Variants in CLSTN1 observed in about 807,000 individuals in gnomAD.
The protein encoded by CLSTN1 is calsyntenin 1.
CLSTN1 carries 28 observed loss-of-function variants against 108.3 expected under a neutral mutation model. The ratio of observed to expected loss-of-function variants is 0.26; its 90% CI spans 0.19 to 0.35. The LOEUF is 0.35. CLSTN1 is among the 10% of genes least tolerant of loss of function. The pLI is 1.00. For synonymous variants in CLSTN1, 524 were observed against 534.9 expected, an observed-to-expected ratio of 0.98 and a Z score of 0.28; for missense variants, 1,157 against 1,302.6, an observed-to-expected ratio of 0.89 and a Z score of 1.72.
chr1:9,812,989 C>A (rs970483659), intron 1 of CLSTN1, among the ~76,000 whole-genome samples: 2 of 151,634 alleles, frequency 1.3e-5, no homozygotes, highest in Non-Finnish European at 2.9e-5. Context: ...CATGGTGAAA[C>A]CCCATCTCTA....
chr1:9,747,743 A>G (rs1651351278), intron 7 of CLSTN1, among the ~76,000 whole-genome samples: 1 of 152,074 alleles, frequency 6.6e-6, no homozygotes, highest in African/African-American at 2.4e-5. Context: ...TGATCTGGAT[A>G]ATTTTCAATT....
chr1:9,776,036 G>A (rs1173499770), intron 1 of CLSTN1, among the ~76,000 whole-genome samples: 4 of 150,206 alleles, frequency 2.7e-5, no homozygotes, highest in African/African-American at 7.4e-5. Context: ...GCAATGGCGC[G>A]ATCTCAGCTC....
chr1:9,799,113 C>T (rs1404268046), intron 1 of CLSTN1, among the ~76,000 whole-genome samples: 2 of 151,920 alleles, frequency 1.3e-5, no homozygotes, highest in Non-Finnish European at 2.9e-5. Flanking sequence ...CCCAGGAGGT[C>T]GAGGATCCAG....
At chr1:9,755,718 A>C (rs1170555211) in intron 3 of CLSTN1, among the ~76,000 whole-genome samples, 1 of 152,110 alleles carries the variant, frequency 6.6e-6, no homozygotes, top group Non-Finnish European at 1.5e-5. Flanking sequence ...TGGACCAGAG[A>C]GAAGCTAAAA....
chr1:9,744,769 T>C, intron 7 of CLSTN1, 126 bp from the exon 8 acceptor site: 2 of 1,160,416 alleles, frequency 1.7e-6, no homozygotes, highest in Non-Finnish European at 2.4e-6. Context: ...TTTTTTTTTC[T>C]TTCGAGACAG....
In CLSTN1 at chr1:9,730,493, G is replaced by A. The variant is rs1246279628; in HGVS notation, c.*15C>T. The A allele has an allele frequency of 6.3e-7, 1 of 1,599,622 alleles. No individual in the cohort carries two copies. Among genetic ancestry groups the A allele is most frequent in the African/African-American group, 1.3e-5 (1 of 74,956 alleles). Reference sequence around the variant, plus strand: ...AGTCTTCGAAAGCAGAAACCGAGGTGGCCGGGGGCACGGGTCAGTAGCTGA... The same window carrying A: ...AGTCTTCGAAAGCAGAAACCGAGGTAGCCGGGGGCACGGGTCAGTAGCTGA... On this transcript the variant is annotated 3_prime_UTR_variant, in exon 19 of 19. Transcript: ENST00000377298. This position sits in a 1 kb window ranked among gnomAD's most constrained non-coding sequence, Gnocchi z 5.6.
intron 2 of CLSTN1, among the ~76,000 whole-genome samples, chr1:9,767,341 G>A (rs1652389774): frequency 6.6e-6 from 1 of 152,108 alleles, no homozygotes; most frequent in African/African-American, 2.4e-5. Context: ...TCAGGAGTTC[G>A]TAACCAGCCT....
At chr1:9,731,646 T>C (rs970609976) in intron 17 of CLSTN1, 115 bp downstream of exon 17, 26 of 1,103,982 alleles carry the variant, frequency 2.4e-5, no homozygotes, top group African/African-American at 4.6e-5. Context: ...TGGGGAATAA[T>C]TGGGACAGGG....
intron 1 of CLSTN1, among the ~76,000 whole-genome samples, chr1:9,774,939 CAT>C (rs764706480): frequency 4.1e-4 from 62 of 152,240 alleles, no homozygotes; most frequent in Non-Finnish European, 7.2e-4. Context: ...GACTCCTCCC[CAT>C]TTTAGAGCAC....
chr1:9,774,731 G>A (rs936911778), intron 1 of CLSTN1, among the ~76,000 whole-genome samples: 1 of 151,552 alleles, frequency 6.6e-6, no homozygotes, highest in Non-Finnish European at 1.5e-5. Context: ...GTAAGAATTC[G>A]GGGCAAGTCC....
At chr1:9,791,303 GCT>G (rs912185513) in intron 1 of CLSTN1, among the ~76,000 whole-genome samples, 2 of 151,402 alleles carry the variant, frequency 1.3e-5, no homozygotes, top group African/African-American at 4.8e-5. Context: ...CAGGCTTTTT[GCT>G]CTGTTGCCCA....
At chr1:9,773,422 G>A in intron 1 of CLSTN1, 28 bp from the exon 2 acceptor site, 3 of 1,569,358 alleles carry the variant, frequency 1.9e-6, no homozygotes, top group Non-Finnish European at 2.6e-6. Flanking sequence ...GAAAAAAATA[G>A]ACAAGGTTAG....
intron 1 of CLSTN1, among the ~76,000 whole-genome samples, chr1:9,777,725 G>A (rs111976611): frequency 1.3e-5 from 2 of 152,008 alleles, no homozygotes; most frequent in Non-Finnish European, 2.9e-5. Flanking sequence ...CTGAGTTCTC[G>A]TCTCTACCCC....
intron 1 of CLSTN1, among the ~76,000 whole-genome samples, chr1:9,809,240 A>ACACC (rs1331847936): frequency 1.3e-5 from 2 of 152,058 alleles, no homozygotes; most frequent in Non-Finnish European, 2.9e-5. Context: ...CATCAGACAC[A>ACACC]CACCCCCCAG....
intron 2 of CLSTN1, among the ~76,000 whole-genome samples, chr1:9,764,110 G>A (rs891764786): frequency 6.6e-6 from 1 of 150,830 alleles, no homozygotes; most frequent in Non-Finnish European, 1.5e-5. Flanking sequence ...GAAAGAAAGA[G>A]AGAGAGAGAG....
Position 9,744,459 on chromosome 1 carries a change from C to T in CLSTN1, c.1170G>A (p.Val390=). 1 of 1,611,040 alleles carries T rather than the reference C, an allele frequency of 6.2e-7. No individual in the cohort carries two copies. Residue 390 remains valine (V), a synonymous_variant, in exon 8 of 19, where the codon GTG becomes GTA. Transcript: ENST00000377298. The part of the protein sequence containing the change: ...VSPKEPFTIS[V]WMRHGPFGRK... ...TGCCGAATGGCCCATGTCTCATCCACACCGAGATGGTGAACGGCTCTTTGG... is the reference window on the plus strand; with the variant it reads ...TGCCGAATGGCCCATGTCTCATCCATACCGAGATGGTGAACGGCTCTTTGG...
intron 1 of CLSTN1, among the ~76,000 whole-genome samples, chr1:9,822,717 C>T (rs1375657965): frequency 2.6e-5 from 4 of 152,144 alleles, no homozygotes; most frequent in Admixed American, 2.6e-4. Flanking sequence ...ATAGCAGAGG[C>T]ATGCAAGGTT....
At position 9,740,083 on chromosome 1, in the gene CLSTN1, T is replaced by G. The variant is rs189966220; in HGVS notation, c.1519+1011A>C. Among the ~76,000 whole-genome samples, 864 of 152,178 alleles carry G rather than the reference T, an allele frequency of 5.7e-3. 8 individuals are homozygous for G. The highest frequency in any genetic ancestry group is 0.02 in the Middle Eastern group (6 of 294). On this transcript the variant is annotated intron_variant, in intron 10 of 18. Coordinates refer to ENST00000377298, the MANE Select transcript of CLSTN1 (RefSeq NM_001009566.3). ...CACCCACCTCAGCCTCCCAAAGTGC[T>G]GGGATTACAGGCGTGAGCCACCGCG...
At position 9,751,549 on chromosome 1, in the gene CLSTN1, GT is replaced by G; in HGVS notation, c.572del (p.Asp191AlafsTer29). 1 of 1,614,212 alleles carries G rather than the reference GT, an allele frequency of 6.2e-7. No individual in the cohort carries two copies. Among genetic ancestry groups the G allele is most frequent in the South Asian group, 1.1e-5 (1 of 91,084 alleles). On this transcript the variant is annotated frameshift_variant, in exon 5 of 19. Coordinates refer to ENST00000377298, the MANE Select transcript of CLSTN1 (RefSeq NM_001009566.3). LOFTEE classifies it high-confidence loss of function. ...AAATCTGGCTGAACTGAGGGGAGCAGTCGGCATCCACGGCCTCCACCCTCAA... is the reference window on the plus strand; with the variant it reads ...AAATCTGGCTGAACTGAGGGGAGCAGCGGCATCCACGGCCTCCACCCTCAA... ...SILRVEAVDA[D>X]CSPQFSQICS...
Sources: gnomAD v4.1 joint callset for allele counts (sites outside exome capture counted in the v4.1 genomes callset) on GRCh38, gnomAD v4.1.1 for gene constraint, Gnocchi (gnomAD v3.1) non-coding constraint, MANE v1.5 for transcripts, NCBI Gene and HGNC (gene_info 2026-07-23, HGNC 2026-07-21) for gene names.